Variants in PTPRQ observed in about 807,000 individuals in gnomAD.
PTPRQ encodes the protein phosphatidylinositol phosphatase PTPRQ.
Under a neutral mutation model 246.0 loss-of-function variants are expected in PTPRQ, and 199 were observed. The observed-to-expected ratio is 0.81, with a 90% CI of 0.72 to 0.91. The LOEUF is 0.91. Among genes scored for constraint, PTPRQ ranks in the 40% least tolerant of loss-of-function variants. The pLI is 0.00. For missense variants in PTPRQ, 2,624 were observed against 2,528.4 expected (o/e 1.04, Z -0.81); for synonymous variants, 869 against 853.2 (o/e 1.02, Z -0.32).
Position 80,495,991 on chromosome 12 carries a change from C to T in PTPRQ, c.1883-8C>T, listed in dbSNP as rs1174394857. The T allele has an allele frequency of 1.3e-6, 2 of 1,547,414 alleles. No homozygotes were observed. The highest frequency in any genetic ancestry group is 2.4e-5 in the East Asian group (1 of 40,854). ...GGACATTAAACAGTTTGTCTCTTGT[C>T]CTTATAGGGTTAAAGAAATACACAA... On this transcript the variant is annotated splice_region_variant and splice_polypyrimidine_tract_variant and intron_variant, in intron 12 of 44. Coordinates refer to ENST00000644991, the MANE Select transcript of PTPRQ (RefSeq NM_001145026.2).
intron 33 of PTPRQ, among the ~76,000 whole-genome samples, chr12:80,627,964 A>C (rs1007471195): frequency 1.3e-5 from 2 of 152,038 alleles, no homozygotes; most frequent in African/African-American, 4.8e-5. Context: ...TTGTTTATTA[A>C]TATATTATAT....
chr12:80,461,637 G>C (rs961368902), intron 6 of PTPRQ, among the ~76,000 whole-genome samples: 1 of 150,376 alleles, frequency 6.6e-6, no homozygotes, highest in Non-Finnish European at 1.5e-5. Flanking sequence ...ATAGCTGACA[G>C]ATATATCATA....
At chr12:80,618,224 G>C (rs1898838781) in intron 30 of PTPRQ, among the ~76,000 whole-genome samples, 1 of 151,340 alleles carries the variant, frequency 6.6e-6, no homozygotes. Context: ...TATGACATAA[G>C]CTCTTTTCCC....
chr12:80,509,729 A>G (rs1895069550), intron 16 of PTPRQ, among the ~76,000 whole-genome samples: 1 of 152,070 alleles, frequency 6.6e-6, no homozygotes, highest in African/African-American at 2.4e-5. Flanking sequence ...ATTCTAAACT[A>G]TTTTCTTATT....
At chr12:80,534,862 C>G in intron 18 of PTPRQ, 30 bp from the exon 19 acceptor site, 1 of 1,540,544 alleles carries the variant, frequency 6.5e-7, no homozygotes, top group Non-Finnish European at 8.8e-7. Flanking sequence ...AACACAAATA[C>G]AGTAATTTGT....
At chr12:80,593,876 G>A (rs1897882491) in intron 26 of PTPRQ, among the ~76,000 whole-genome samples, 2 of 151,922 alleles carry the variant, frequency 1.3e-5, no homozygotes, top group African/African-American at 4.8e-5. Context: ...AGTATGAAAT[G>A]GAATGGGACT....
chr12:80,614,921 TTAA>T (rs1282841091), intron 29 of PTPRQ, among the ~76,000 whole-genome samples: 1 of 151,002 alleles, frequency 6.6e-6, no homozygotes, highest in Non-Finnish European at 1.5e-5. Flanking sequence ...GTGCAACTAA[TTAA>T]TAATTTTTAA....
intron 18 of PTPRQ, 99 bp downstream of exon 18, chr12:80,534,274 C>A: frequency 8.3e-7 from 1 of 1,199,620 alleles, no homozygotes; most frequent in Non-Finnish European, 1.1e-6. Flanking sequence ...TATGATGAAG[C>A]CTAATATTCA....
intron 6 of PTPRQ, among the ~76,000 whole-genome samples, chr12:80,461,826 C>A (rs978874014): frequency 6.6e-6 from 1 of 150,856 alleles, no homozygotes; most frequent in Non-Finnish European, 1.5e-5. Context: ...TGAATTATAC[C>A]ATTTTCTTCT....
intron 6 of PTPRQ, among the ~76,000 whole-genome samples, chr12:80,468,428 T>C (rs1893511075): frequency 6.6e-6 from 1 of 152,152 alleles, no homozygotes; most frequent in African/African-American, 2.4e-5. Flanking sequence ...TGGCAATAAA[T>C]GTATTACAAT....
intron 19 of PTPRQ, among the ~76,000 whole-genome samples, chr12:80,537,413 C>T (rs1896020535): frequency 6.6e-6 from 1 of 152,144 alleles, no homozygotes; most frequent in Non-Finnish European, 1.5e-5. Flanking sequence ...TTACCGATAA[C>T]TGTTGCTTCT....
chr12:80,575,138 A>G (rs1236203289), intron 25 of PTPRQ, among the ~76,000 whole-genome samples: 1 of 152,226 alleles, frequency 6.6e-6, no homozygotes, highest in Non-Finnish European at 1.5e-5. Context: ...TATGAATCTG[A>G]GCTCCTTTCA....
chr12:80,463,742 C>G (rs912510495), intron 6 of PTPRQ, among the ~76,000 whole-genome samples: 2 of 151,204 alleles, frequency 1.3e-5, no homozygotes, highest in African/African-American at 2.5e-5. Context: ...AATTTTCAAT[C>G]CAGAATTTCA....
chr12:80,487,566 T>C lies in PTPRQ; in HGVS notation c.1359+2961T>C, dbSNP rs1215555872. ...ATGGCATTGATATATGTCTGATGTT[T>C]GTCTTTTTGGATAATGGAACAATTA... On this transcript the variant is annotated intron_variant, in intron 9 of 44. Transcript: ENST00000644991. Among the ~76,000 whole-genome samples, 5 of 152,128 alleles carry C rather than the reference T, an allele frequency of 3.3e-5. No individual in the cohort carries two copies. The East Asian group carries it at 9.6e-4, about 29-fold the overall frequency.
At chr12:80,547,530 A>G (rs1219099867) in intron 24 of PTPRQ, among the ~76,000 whole-genome samples, 1 of 152,180 alleles carries the variant, frequency 6.6e-6, no homozygotes, top group African/African-American at 2.4e-5. Context: ...GCATAAATTT[A>G]TGGCTACCTG....
chr12:80,478,000 T>G (rs4643133), intron 8 of PTPRQ, among the ~76,000 whole-genome samples: 1 of 152,190 alleles, frequency 6.6e-6, no homozygotes, highest in Non-Finnish European at 1.5e-5. Flanking sequence ...CAAAGCAGCC[T>G]GGAAGCTCCA....
At position 80,542,114 on chromosome 12, in the gene PTPRQ, C is replaced by T; in HGVS notation, c.3471C>T (p.Asn1157=). Residue 1157 remains asparagine (N), a synonymous_variant, in exon 22 of 45, where the codon AAC becomes AAT. Transcript: ENST00000644991. ...TCCCAGAAACTTCACCAATAATCAA[C>T]ACTTTTAAAAACCTTTCCTCTACCT... ...EDVPETSPII[N]TFKNLSSTSV... is the part of the protein sequence containing the mutation. The T allele has an allele frequency of 1.3e-6, 2 of 1,548,798 alleles. No individual in the cohort carries two copies. Among genetic ancestry groups the T allele is most frequent in the Non-Finnish European group, 1.7e-6 (2 of 1,146,230 alleles).
intron 17 of PTPRQ, among the ~76,000 whole-genome samples, chr12:80,521,218 T>C (rs1592609120): frequency 6.6e-6 from 1 of 152,352 alleles, no homozygotes; most frequent in East Asian, 1.9e-4. Context: ...GTTTGTTTTT[T>C]TCTTGTAAAT....
At chr12:80,477,596 T>A (rs1466544089) in intron 8 of PTPRQ, among the ~76,000 whole-genome samples, 1 of 152,090 alleles carries the variant, frequency 6.6e-6, no homozygotes, top group Non-Finnish European at 1.5e-5. Flanking sequence ...AGACGGGTGA[T>A]TTCTGCATTT....
Sources: allele counts gnomAD v4.1 joint callset (sites outside exome capture counted in the v4.1 genomes callset), GRCh38; gene constraint gnomAD v4.1.1; transcripts MANE v1.5; gene names NCBI Gene and HGNC (gene_info 2026-07-23, HGNC 2026-07-21).